Variants in SLAIN2 observed in about 807,000 individuals in gnomAD.
SLAIN2 encodes the protein SLAIN family member 2.
In SLAIN2, 31 loss-of-function variants were observed where a neutral mutation model predicts 56.6. The observed-to-expected ratio is 0.55, with a 90% CI of 0.41 to 0.74. SLAIN2 has a LOEUF of 0.74. Among genes scored for constraint, SLAIN2 ranks in the 30% least tolerant of loss-of-function variants. The pLI, the probability that SLAIN2 is intolerant of heterozygous loss-of-function variation, is 0.00. For missense variants in SLAIN2, 777 were observed against 754.2 expected, an observed-to-expected ratio of 1.03 and a Z score of -0.35; for synonymous variants, 317 against 284.9, an observed-to-expected ratio of 1.11 and a Z score of -1.13.
At chr4:48,387,847 A>G (rs1473088610) in intron 6 of SLAIN2, among the ~76,000 whole-genome samples, 1 of 152,096 alleles carries the variant, frequency 6.6e-6, no homozygotes. Flanking sequence ...AGTTTTCATA[A>G]TAGTCTTTAT....
At chr4:48,411,115 T>C (rs1456633252) in intron 6 of SLAIN2, among the ~76,000 whole-genome samples, 1 of 152,118 alleles carries the variant, frequency 6.6e-6, no homozygotes, top group Admixed American at 6.5e-5. Flanking sequence ...TGTGTATGTG[T>C]GTGTGTGTTT....
intron 1 of SLAIN2, among the ~76,000 whole-genome samples, chr4:48,357,795 TC>T (rs1043593917): frequency 2.0e-4 from 30 of 152,160 alleles, no homozygotes; most frequent in African/African-American, 6.5e-4. Flanking sequence ...CCTCAGGTGT[TC>T]CGCCCGACTT....
intron 1 of SLAIN2, among the ~76,000 whole-genome samples, chr4:48,364,903 G>A (rs1348534316): frequency 1.4e-5 from 2 of 147,742 alleles, no homozygotes; most frequent in Non-Finnish European, 3.0e-5. Flanking sequence ...GGAGGGAGAG[G>A]GAGAGCTGGT....
intron 1 of SLAIN2, among the ~76,000 whole-genome samples, chr4:48,368,148 A>G (rs1715573970): frequency 6.9e-6 from 1 of 145,172 alleles, no homozygotes; most frequent in African/African-American, 2.6e-5. Flanking sequence ...TCCCAGGTTC[A>G]AGCAGTTCTT....
Position 48,387,992 on chromosome 4 carries a change from T to C in SLAIN2, c.1360+4208T>C, listed in dbSNP as rs910442050. 9.9e-5 allele frequency among the ~76,000 whole-genome samples: 15 copies of C among 152,156 alleles called. No homozygotes were observed. In the East Asian group the frequency reaches 2.3e-3, roughly 23 times the overall value. ...TTTAAGTATTTATTTTTTCAGCTCT[T>C]AAGTGGTAAAGCTTTGGTTCTTACT... is the stretch of plus-strand genomic sequence containing the variant. On this transcript the variant is annotated intron_variant, in intron 6 of 7. Transcript: ENST00000264313.
At chr4:48,363,876 C>T (rs1273835563) in intron 1 of SLAIN2, among the ~76,000 whole-genome samples, 1 of 140,048 alleles carries the variant, frequency 7.1e-6, no homozygotes, top group Non-Finnish European at 1.6e-5. Flanking sequence ...GGCGGCCGGG[C>T]AGAGGCGCCC....
intron 6 of SLAIN2, among the ~76,000 whole-genome samples, chr4:48,398,709 A>T (rs1479032260): frequency 6.6e-6 from 1 of 152,204 alleles, no homozygotes; most frequent in African/African-American, 2.4e-5. Flanking sequence ...AATTTTCTGC[A>T]TATGGCTAGC....
intron 6 of SLAIN2, among the ~76,000 whole-genome samples, chr4:48,392,712 C>A (rs1012053134): frequency 6.6e-6 from 1 of 151,980 alleles, no homozygotes; most frequent in African/African-American, 2.4e-5. Context: ...GAAATCTTTC[C>A]TGATCACTCT....
chr4:48,382,273 A>G (rs1286681318), intron 4 of SLAIN2, among the ~76,000 whole-genome samples: 4 of 152,140 alleles, frequency 2.6e-5, no homozygotes, highest in Admixed American at 6.5e-5. Context: ...TAGGGGTAGA[A>G]ATATTTTTAA....
chr4:48,354,676 C>T (rs975342944), intron 1 of SLAIN2, among the ~76,000 whole-genome samples: 4 of 151,942 alleles, frequency 2.6e-5, no homozygotes, highest in Non-Finnish European at 5.9e-5. Flanking sequence ...CATGTTGTCC[C>T]GGCTGGTCTC....
intron 3 of SLAIN2, among the ~76,000 whole-genome samples, chr4:48,378,463 A>T (rs2291475): frequency 6.6e-6 from 1 of 151,908 alleles, no homozygotes. Context: ...TTAGAGGTGA[A>T]TGTACCAGCA....
At chr4:48,414,706 C>A (rs1194449688) in intron 6 of SLAIN2, among the ~76,000 whole-genome samples, 1 of 110,416 alleles carries the variant, frequency 9.1e-6, no homozygotes, top group Non-Finnish European at 1.8e-5. Context: ...TATCCCTCCC[C>A]CCTCCCCCGA....
intron 1 of SLAIN2, among the ~76,000 whole-genome samples, chr4:48,351,594 G>A (rs1185062194): frequency 1.3e-5 from 2 of 152,184 alleles, no homozygotes; most frequent in Admixed American, 1.3e-4. Flanking sequence ...GAGCAGGCAC[G>A]GTAAGTCTTG....
intron 2 of SLAIN2, among the ~76,000 whole-genome samples, chr4:48,377,357 T>A (rs1057391327): frequency 4.0e-5 from 6 of 148,458 alleles, no homozygotes; most frequent in Non-Finnish European, 7.5e-5. Flanking sequence ...TTTTTTTTTT[T>A]AAGTAGAGAC....
At chr4:48,385,355 T>C (rs2109765003) in intron 6 of SLAIN2, among the ~76,000 whole-genome samples, 1 of 152,346 alleles carries the variant, frequency 6.6e-6, no homozygotes, top group East Asian at 1.9e-4. Flanking sequence ...ATATGAGCTC[T>C]GAGACACAAA....
intron 1 of SLAIN2, among the ~76,000 whole-genome samples, chr4:48,349,536 C>T (rs1714956431): frequency 6.6e-6 from 1 of 152,116 alleles, no homozygotes; most frequent in Admixed American, 6.5e-5. Context: ...TAAAAATTAG[C>T]CAAAATACTG....
chr4:48,414,337 A>G (rs974357743), intron 6 of SLAIN2, among the ~76,000 whole-genome samples: 9 of 152,198 alleles, frequency 5.9e-5, no homozygotes, highest in Non-Finnish European at 5.9e-5. Context: ...ATATCCATCT[A>G]GGAAATTCAT....
chr4:48,405,421 C>T (rs983847610), intron 6 of SLAIN2, among the ~76,000 whole-genome samples: 1 of 151,860 alleles, frequency 6.6e-6, no homozygotes, highest in African/African-American at 2.4e-5. Context: ...TCTTTTCTCT[C>T]TCTCTCTCTC....
At chr4:48,394,671 C>A in intron 6 of SLAIN2, 1 of 1,531,150 alleles carries the variant, frequency 6.5e-7, no homozygotes, top group Non-Finnish European at 8.7e-7. Context: ...CAGCCTCTTA[C>A]TCAGTTTAAA....
Sources: gnomAD v4.1 joint callset for allele counts (sites outside exome capture counted in the v4.1 genomes callset) on GRCh38, gnomAD v4.1.1 for gene constraint, MANE v1.5 for transcripts, NCBI Gene and HGNC (gene_info 2026-07-23, HGNC 2026-07-21) for gene names.